Variants in DIAPH3 observed in about 807,000 individuals in gnomAD.
The protein encoded by DIAPH3 is protein diaphanous homolog 3.
Under a neutral mutation model 144.3 loss-of-function variants are expected in DIAPH3, and 117 were observed. The ratio of observed to expected loss-of-function variants is 0.81; its 90% confidence interval spans 0.70 to 0.95. The LOEUF (loss-of-function observed/expected upper bound fraction) is 0.95, where lower values mean the gene tolerates loss of function less well. DIAPH3 is among the 40% of genes least tolerant of loss of function. The pLI is 0.00. For synonymous variants in DIAPH3, 519 were observed against 488.9 expected (o/e 1.06, Z -0.81); for missense variants, 1,421 against 1,412.7 (o/e 1.01, Z -0.09).
At chr13:59,943,370 T>C (rs1251168162) in intron 17 of DIAPH3, among the ~76,000 whole-genome samples, 1 of 152,170 alleles carries the variant, frequency 6.6e-6, no homozygotes, top group African/African-American at 2.4e-5. Flanking sequence ...CCACTGTTAC[T>C]GTACCACACT....
intron 17 of DIAPH3, among the ~76,000 whole-genome samples, chr13:59,965,268 A>G (rs193036433): frequency 4.2e-4 from 64 of 152,252 alleles, no homozygotes; most frequent in Admixed American, 1.4e-3. Context: ...TATGGGCCCT[A>G]TCTGGCAAAA....
chr13:59,860,929 T>G (rs2043541424), intron 22 of DIAPH3, among the ~76,000 whole-genome samples: 1 of 151,880 alleles, frequency 6.6e-6, no homozygotes, highest in Non-Finnish European at 1.5e-5. Context: ...AAGAGTGAAA[T>G]GAAACTCTGG....
intron 2 of DIAPH3, among the ~76,000 whole-genome samples, chr13:60,128,845 G>A (rs1487435154): frequency 6.6e-6 from 1 of 151,466 alleles, no homozygotes; most frequent in African/African-American, 2.4e-5. Context: ...AAAAAGATCA[G>A]AATTCATTTT....
At chr13:60,098,935 T>C (rs916416130) in intron 3 of DIAPH3, among the ~76,000 whole-genome samples, 5 of 152,312 alleles carry the variant, frequency 3.3e-5, no homozygotes, top group African/African-American at 1.2e-4. Context: ...GAGGTTAAAA[T>C]TTCCATGGAT....
At chr13:60,054,296 G>A (rs2056474724) in intron 4 of DIAPH3, among the ~76,000 whole-genome samples, 1 of 151,964 alleles carries the variant, frequency 6.6e-6, no homozygotes. Context: ...ATTTTTAAGT[G>A]AAGTTAGTTA....
rs144521360 is a variant in DIAPH3, at chr13:60,121,445, A to T, written c.214-9259T>A. On this transcript the variant is annotated intron_variant, in intron 2 of 27. Transcript: ENST00000400324. The stretch of plus-strand genomic sequence containing the variant: ...AAAAGGAGAAAGTAACTCAAGTTCC[A>T]ATGCCTTCAGTGAATCAGTGGGAGG... 4.3e-3 allele frequency among the ~76,000 whole-genome samples: 659 copies of T among 152,294 alleles called. 1 individual carries two copies. Among genetic ancestry groups the T allele is most frequent in the Non-Finnish European group, 7.0e-3 (474 of 68,026 alleles).
chr13:59,705,438 T>A (rs2034363935), intron 27 of DIAPH3, among the ~76,000 whole-genome samples: 1 of 152,172 alleles, frequency 6.6e-6, no homozygotes, highest in South Asian at 2.1e-4. Context: ...GGCAAAAATT[T>A]TTCCCCCTGA....
chr13:60,142,452 T>C (rs958828489), intron 1 of DIAPH3, among the ~76,000 whole-genome samples: 2 of 152,126 alleles, frequency 1.3e-5, no homozygotes, highest in Admixed American at 6.5e-5. Context: ...GAGGGACCAG[T>C]TTAGCATGTC....
At chr13:59,686,688 G>C (rs1252600496) in intron 27 of DIAPH3, among the ~76,000 whole-genome samples, 2 of 152,036 alleles carry the variant, frequency 1.3e-5, no homozygotes, top group African/African-American at 4.8e-5. Context: ...TAGGGGTATA[G>C]AAAGTTTTGC....
intron 27 of DIAPH3, among the ~76,000 whole-genome samples, chr13:59,722,926 A>T (rs1047645382): frequency 1.3e-5 from 2 of 152,186 alleles, no homozygotes; most frequent in African/African-American, 4.8e-5. Flanking sequence ...ATGATTAAAT[A>T]CTTCACTGCT....
chr13:60,045,984 AAT>A lies in DIAPH3; in HGVS notation c.496-3166_496-3165del, dbSNP rs1351157580. On this transcript the variant is annotated intron_variant, in intron 4 of 27. Transcript: ENST00000400324. ...TAACAGTTTCTTCTGATAGTTGCTTAATATGTCTAATGTACCTGATATTTTTA... is the reference window on the plus strand; with the variant it reads ...TAACAGTTTCTTCTGATAGTTGCTTAATGTCTAATGTACCTGATATTTTTA... 2.0e-5 allele frequency among the ~76,000 whole-genome samples: 3 copies of A among 152,338 alleles called. No individual in the cohort carries two copies. In the East Asian group the frequency reaches 5.8e-4, roughly 29 times the overall value.
intron 20 of DIAPH3, among the ~76,000 whole-genome samples, chr13:59,901,610 C>T (rs191524549): frequency 6.6e-6 from 1 of 152,148 alleles, no homozygotes. Flanking sequence ...CAAATAGGGA[C>T]TAAGAGAAGG....
At chr13:60,143,705 T>C (rs1951380292) in intron 1 of DIAPH3, among the ~76,000 whole-genome samples, 1 of 152,192 alleles carries the variant, frequency 6.6e-6, no homozygotes, top group Non-Finnish European at 1.5e-5. Flanking sequence ...CATGGTCAAT[T>C]TACCAGCAGC....
At chr13:59,755,221 A>G (rs1255234069) in intron 27 of DIAPH3, among the ~76,000 whole-genome samples, 2 of 152,176 alleles carry the variant, frequency 1.3e-5, no homozygotes, top group Non-Finnish European at 2.9e-5. Flanking sequence ...ACTTCTAAGC[A>G]CTAAATAAAT....
chr13:59,740,696 G>A (rs1228715890), intron 27 of DIAPH3, among the ~76,000 whole-genome samples: 1 of 152,088 alleles, frequency 6.6e-6, no homozygotes, highest in African/African-American at 2.4e-5. Context: ...GTCAAGAAAC[G>A]TACCGCAAGC....
At chr13:59,805,547 T>A (rs1374205948) in intron 25 of DIAPH3, among the ~76,000 whole-genome samples, 1 of 151,954 alleles carries the variant, frequency 6.6e-6, no homozygotes, top group Non-Finnish European at 1.5e-5. Context: ...ACCTTAGACA[T>A]TTACTCAAAA....
chr13:59,702,870 C>T (rs1423232541), intron 27 of DIAPH3, among the ~76,000 whole-genome samples: 1 of 152,242 alleles, frequency 6.6e-6, no homozygotes, highest in East Asian at 1.9e-4. Flanking sequence ...TATCCTTAAA[C>T]TCCTTCCTGC....
intron 27 of DIAPH3, among the ~76,000 whole-genome samples, chr13:59,745,836 C>T (rs1455213901): frequency 2.0e-5 from 3 of 152,158 alleles, no homozygotes; most frequent in Non-Finnish European, 4.4e-5. Context: ...AAGAAATATT[C>T]TAATAGTTTC....
At chr13:59,986,771 T>G (rs997858890) in intron 12 of DIAPH3, among the ~76,000 whole-genome samples, 1 of 150,004 alleles carries the variant, frequency 6.7e-6, no homozygotes, top group Admixed American at 6.7e-5. Context: ...AAAACCACTA[T>G]GAGATATCAT....
Sources: gnomAD v4.1 joint callset for allele counts (sites outside exome capture counted in the v4.1 genomes callset) on GRCh38, gnomAD v4.1.1 for gene constraint, MANE v1.5 for transcripts, NCBI Gene and HGNC (gene_info 2026-07-23, HGNC 2026-07-21) for gene names.